The following SLC35F1 variants were observed in gnomAD, a reference collection of about 807,000 sequenced individuals.
The protein encoded by SLC35F1 is chromosome 6 open reading frame 169.
In SLC35F1, 14 loss-of-function variants were observed where a neutral mutation model predicts 48.7. That is an observed-to-expected ratio of 0.29 (90% CI 0.19 to 0.45). SLC35F1 has a LOEUF of 0.45. Ranked by LOEUF, SLC35F1 falls within the 20% of genes least tolerant of loss-of-function variation. The pLI, the probability that SLC35F1 is intolerant of heterozygous loss-of-function variation, is 1.00. For synonymous variants in SLC35F1, 190 were observed against 202.2 expected, an observed-to-expected ratio of 0.94 and a Z score of 0.51; for missense variants, 404 against 500.0, an observed-to-expected ratio of 0.81 and a Z score of 1.83.
intron 2 of SLC35F1, among the ~76,000 whole-genome samples, chr6:118,210,840 C>T (rs78090113): frequency 5.5e-4 from 84 of 152,226 alleles, no homozygotes; most frequent in African/African-American, 1.9e-3. Flanking sequence ...CAAGTGCTGC[C>T]CTCTTTCATG....
At chr6:118,291,605 A>G (rs1053468293) in intron 7 of SLC35F1, among the ~76,000 whole-genome samples, 2 of 152,154 alleles carry the variant, frequency 1.3e-5, no homozygotes, top group Non-Finnish European at 2.9e-5. Flanking sequence ...CATGAAAGGA[A>G]CCAAGTTAAT....
intron 1 of SLC35F1, among the ~76,000 whole-genome samples, chr6:118,078,015 T>C (rs1025650097): frequency 1.3e-5 from 2 of 152,316 alleles, no homozygotes; most frequent in African/African-American, 4.8e-5. Context: ...AAGGCAAGTG[T>C]CACTCTTTAA....
At chr6:118,025,290 C>T (rs950282100) in intron 1 of SLC35F1, among the ~76,000 whole-genome samples, 1 of 152,098 alleles carries the variant, frequency 6.6e-6, no homozygotes, top group Non-Finnish European at 1.5e-5. Context: ...TGTAGAAGGT[C>T]TCTTGATGAG....
intron 4 of SLC35F1, among the ~76,000 whole-genome samples, chr6:118,271,062 G>A (rs1412403417): frequency 2.0e-5 from 3 of 152,014 alleles, no homozygotes; most frequent in African/African-American, 7.2e-5. Context: ...TTTATTTCAA[G>A]GAAAGGAAAA....
intron 2 of SLC35F1, among the ~76,000 whole-genome samples, chr6:118,229,849 G>A (rs910470923): frequency 1.3e-5 from 2 of 152,190 alleles, no homozygotes; most frequent in African/African-American, 2.4e-5. Flanking sequence ...TCCTGCAGAT[G>A]CTTAGCAAAA....
chr6:118,037,091 A>C (rs6942225), intron 1 of SLC35F1, among the ~76,000 whole-genome samples: 148,862 of 152,294 alleles, frequency 0.98, 72,847 homozygotes, highest in Middle Eastern at 1. Flanking sequence ...GTCTTGAAAT[A>C]TATTTTATCT....
In SLC35F1 at chr6:118,098,531, A is replaced by C. The variant is rs550382667; in HGVS notation, c.174-55914A>C. Among the ~76,000 whole-genome samples the C allele has an allele frequency of 5.9e-5, 9 of 152,248 alleles. No homozygotes were observed. In the South Asian group the frequency reaches 1.7e-3, roughly 28 times the overall value. ...ACCATGAGGATACCCACTGTTGTTC[A>C]ATCAGTTTCCCTTTCTTTGTACCTC... On this transcript the variant is annotated intron_variant, in intron 1 of 7. Coordinates refer to ENST00000360388, the MANE Select transcript of SLC35F1 (RefSeq NM_001029858.4).
At chr6:118,109,670 G>A (rs914460504) in intron 1 of SLC35F1, among the ~76,000 whole-genome samples, 5 of 151,620 alleles carry the variant, frequency 3.3e-5, no homozygotes, top group Admixed American at 3.3e-4. Flanking sequence ...AAAAGCAACA[G>A]AAAAGGAACC....
rs1776451364 is a variant in SLC35F1 at position 118,317,393 on chromosome 6, T to C, written c.*3141T>C. 2 of 152,226 alleles carry C rather than the reference T, an allele frequency of 1.3e-5. No individual in the cohort carries two copies. The highest frequency in any genetic ancestry group is 1.3e-4 in the Admixed American group (2 of 15,288). The allele number at this position is 152,226 out of a possible 1,614,324, so 9.4% of individuals were successfully genotyped here. ...CTTTTGACAAGCGTGTAGTATTGTT[T>C]GTTTTGGGTTTCTTTTTGATTTATA... On this transcript the variant is annotated 3_prime_UTR_variant, in exon 8 of 8. Transcript: ENST00000360388.
chr6:118,216,187 A>C (rs2883847), intron 2 of SLC35F1, among the ~76,000 whole-genome samples: 140,457 of 150,458 alleles, frequency 0.93, 65,622 homozygotes, highest in East Asian at 0.98. Context: ...AAGTGATCCT[A>C]CCAGCTCAGC....
chr6:118,061,923 G>A lies in SLC35F1; in HGVS notation c.174-92522G>A, dbSNP rs138853132. Among the ~76,000 whole-genome samples the A allele has an allele frequency of 3.2e-3, 489 of 152,198 alleles. 2 individuals are homozygous for A. The highest frequency in any genetic ancestry group is 4.7e-3 in the Non-Finnish European group (319 of 68,004). ...AGGTGGAAAAGCTCACTTGCCTGCC[G>A]CTCACCTCCTGCTATGCAGCCTGGT... is the stretch of plus-strand genomic sequence containing the variant. On this transcript the variant is annotated intron_variant, in intron 1 of 7. Coordinates refer to ENST00000360388, the MANE Select transcript of SLC35F1 (RefSeq NM_001029858.4).
intron 1 of SLC35F1, among the ~76,000 whole-genome samples, chr6:118,114,276 A>G (rs1438290173): frequency 1.3e-5 from 2 of 152,032 alleles, no homozygotes; most frequent in East Asian, 1.9e-4. Flanking sequence ...TATCATCGCA[A>G]TTATGTTTCA....
chr6:118,220,847 C>G (rs1177943256), intron 2 of SLC35F1, among the ~76,000 whole-genome samples: 3 of 152,118 alleles, frequency 2.0e-5, no homozygotes, highest in African/African-American at 7.2e-5. Flanking sequence ...ATCTTCATTC[C>G]AAAGAAGCTT....
At chr6:117,914,372 C>T (rs759399766) in intron 1 of SLC35F1, among the ~76,000 whole-genome samples, 1 of 151,828 alleles carries the variant, frequency 6.6e-6, no homozygotes, top group South Asian at 2.1e-4. Flanking sequence ...TGAACAAACA[C>T]TGAATAGATT....
In SLC35F1 at chr6:118,276,417, A is replaced by G. The variant is rs564059221; in HGVS notation, c.794+802A>G. Among the ~76,000 whole-genome samples, 4 of 152,324 alleles carry G rather than the reference A, an allele frequency of 2.6e-5. No individual in the cohort carries two copies. The South Asian group carries it at 8.3e-4, about 32-fold the overall frequency. ...TACAAAGCAAGCACTTTCTAATTGC[A>G]TGGGTTCAGTGTCTGAAATTATTTA... On this transcript the variant is annotated intron_variant, in intron 5 of 7. Transcript: ENST00000360388.
chr6:118,311,532 G>A (rs989296262), intron 7 of SLC35F1, among the ~76,000 whole-genome samples: 4 of 152,252 alleles, frequency 2.6e-5, no homozygotes, highest in African/African-American at 7.2e-5. Flanking sequence ...GCCCACGCCT[G>A]TAATCCTAAC....
chr6:118,027,359 A>G (rs565124854), intron 1 of SLC35F1, among the ~76,000 whole-genome samples: 17 of 152,246 alleles, frequency 1.1e-4, no homozygotes, highest in African/African-American at 3.4e-4. Context: ...TCTGTAAGAA[A>G]CTGCCAAACT....
intron 1 of SLC35F1, among the ~76,000 whole-genome samples, chr6:118,085,098 CT>C (rs35819977): frequency 0.34 from 51,762 of 151,892 alleles, 9,382 homozygotes; most frequent in Middle Eastern, 0.47. Context: ...TAGTATGTTC[CT>C]TACTGCCATC....
chr6:118,017,029 C>T lies in SLC35F1; in HGVS notation c.173+109130C>T, dbSNP rs117279311. Among the ~76,000 whole-genome samples, 73 of 152,296 alleles carry T rather than the reference C, an allele frequency of 4.8e-4. No individual in the cohort carries two copies. In the East Asian group the frequency reaches 0.012, roughly 24 times the overall value. On this transcript the variant is annotated intron_variant, in intron 1 of 7. Coordinates refer to ENST00000360388, the MANE Select transcript of SLC35F1 (RefSeq NM_001029858.4). The stretch of plus-strand genomic sequence containing the variant: ...AGGTTTGCTGGGAGAATAGGATCTG[C>T]GGAATCTCCTGTCTTTCCATCCCCG...
Sources: allele counts gnomAD v4.1 joint callset (sites outside exome capture counted in the v4.1 genomes callset), GRCh38; gene constraint gnomAD v4.1.1; transcripts MANE v1.5; gene names NCBI Gene and HGNC (gene_info 2026-07-23, HGNC 2026-07-21).